The following MAP4K3 variants were observed in gnomAD, a reference collection of about 807,000 sequenced individuals.
MAP4K3 encodes mitogen-activated protein kinase kinase kinase kinase 3.
In MAP4K3, 94 loss-of-function variants were observed where a neutral mutation model predicts 143.5. The observed-to-expected ratio is 0.65, with a 90% CI of 0.55 to 0.78. The LOEUF is 0.78. Among genes scored for constraint, MAP4K3 ranks in the 30% least tolerant of loss-of-function variants. The pLI, the probability that MAP4K3 is intolerant of heterozygous loss-of-function variation, is 0.00. For synonymous variants in MAP4K3, 416 were observed against 347.2 expected, an observed-to-expected ratio of 1.20 and a Z score of -2.20; for missense variants, 1,077 against 1,068.1, an observed-to-expected ratio of 1.01 and a Z score of -0.12.
chr2:39,322,087 G>C (rs1193372556), intron 12 of MAP4K3, among the ~76,000 whole-genome samples: 1 of 152,000 alleles, frequency 6.6e-6, no homozygotes, highest in Non-Finnish European at 1.5e-5. Flanking sequence ...TCCACCTAAC[G>C]AGAAACACCC....
intron 5 of MAP4K3, 34 bp from the exon 6 acceptor site, chr2:39,337,001 T>C: frequency 8.8e-7 from 1 of 1,132,538 alleles, no homozygotes; most frequent in South Asian, 1.4e-5. Context: ...ATAAACAAGA[T>C]TTTATCAAAG....
Position 39,351,248 on chromosome 2 carries a change from T to C in MAP4K3, c.245+5001A>G, listed in dbSNP as rs17038959. 3.3e-4 allele frequency among the ~76,000 whole-genome samples: 50 copies of C among 152,334 alleles called. 1 individual carries two copies. In the East Asian group the frequency reaches 3.9e-3, roughly 12 times the overall value. Reference sequence around the variant, plus strand: ...TGTCTCCTGAATATGTCACAGTTTTTCATGCATGTGTTCCCTTTGCCAAAA... The same window carrying C: ...TGTCTCCTGAATATGTCACAGTTTTCCATGCATGTGTTCCCTTTGCCAAAA... On this transcript the variant is annotated intron_variant, in intron 3 of 33. Coordinates refer to ENST00000263881, the MANE Select transcript of MAP4K3 (RefSeq NM_003618.4).
intron 4 of MAP4K3, among the ~76,000 whole-genome samples, chr2:39,340,571 T>C (rs996233726): frequency 1.7e-4 from 26 of 152,200 alleles, no homozygotes; most frequent in African/African-American, 6.0e-4. Flanking sequence ...ACAACCTATT[T>C]CTGTAACGAA....
intron 12 of MAP4K3, among the ~76,000 whole-genome samples, chr2:39,317,096 GAA>G (rs1683135817): frequency 6.6e-6 from 1 of 152,034 alleles, no homozygotes; most frequent in African/African-American, 2.4e-5. Context: ...AGAGAGCCTA[GAA>G]ATAAAGCCAT....
intron 1 of MAP4K3, among the ~76,000 whole-genome samples, chr2:39,398,919 C>T (rs950333122): frequency 6.6e-6 from 1 of 151,198 alleles, no homozygotes; most frequent in African/African-American, 2.4e-5. Flanking sequence ...TGGTGCACAC[C>T]TATAGCTCCA....
At chr2:39,305,665 A>T (rs932439139) in intron 15 of MAP4K3, among the ~76,000 whole-genome samples, 21 of 152,234 alleles carry the variant, frequency 1.4e-4, no homozygotes, top group East Asian at 5.8e-4. Flanking sequence ...CTCCATTGTC[A>T]CAAGACCCCT....
chr2:39,326,356 T>G, intron 8 of MAP4K3, 79 bp from the exon 9 acceptor site: 1 of 1,484,242 alleles, frequency 6.7e-7, no homozygotes, highest in Non-Finnish European at 9.2e-7. Context: ...CACAAGGAAT[T>G]ATCACTATCT....
At chr2:39,266,548 C>T (rs1318375411) in intron 27 of MAP4K3, among the ~76,000 whole-genome samples, 1 of 150,602 alleles carries the variant, frequency 6.6e-6, no homozygotes, top group Admixed American at 6.6e-5. Context: ...AAATGACTCT[C>T]CATCTATTCA....
At position 39,436,873 on chromosome 2, in the gene MAP4K3, G is replaced by A; in HGVS notation, c.96+19C>T. On this transcript the variant is annotated intron_variant, in intron 1 of 33. Coordinates refer to ENST00000263881, the MANE Select transcript of MAP4K3 (RefSeq NM_003618.4). ...GTCGGGATCCCACGGCCTCGGCGGCGCGCGGCCCCTGCCTTTACCTTGTAG... is the reference window on the plus strand; with the variant it reads ...GTCGGGATCCCACGGCCTCGGCGGCACGCGGCCCCTGCCTTTACCTTGTAG... 1.3e-6 allele frequency: 2 copies of A among 1,581,088 alleles called. No homozygotes were observed. Among genetic ancestry groups the A allele is most frequent in the Non-Finnish European group, 1.7e-6 (2 of 1,164,226 alleles).
At chr2:39,349,331 T>G (rs1665383805) in intron 3 of MAP4K3, among the ~76,000 whole-genome samples, 1 of 152,214 alleles carries the variant, frequency 6.6e-6, no homozygotes, top group Admixed American at 6.5e-5. Context: ...ATAGGTAACC[T>G]ATACCATCTG....
chr2:39,375,001 C>G (rs1350875957), intron 2 of MAP4K3, among the ~76,000 whole-genome samples: 1 of 152,122 alleles, frequency 6.6e-6, no homozygotes, highest in East Asian at 1.9e-4. Context: ...GTGGCTCATG[C>G]TTGTAATCCT....
chr2:39,395,746 G>C (rs1270776684), intron 1 of MAP4K3, among the ~76,000 whole-genome samples: 1 of 152,124 alleles, frequency 6.6e-6, no homozygotes, highest in African/African-American at 2.4e-5. Context: ...CAAAGAATCA[G>C]ACACTCAAAT....
intron 1 of MAP4K3, among the ~76,000 whole-genome samples, chr2:39,383,442 A>G (rs1417746861): frequency 9.9e-5 from 15 of 152,050 alleles, no homozygotes; most frequent in Admixed American, 9.8e-4. Context: ...CCTCTACAAC[A>G]TGTGGGGATT....
chr2:39,290,342 CAG>C lies in MAP4K3; in HGVS notation c.1272-10_1272-9del, dbSNP rs1681989053. 2.5e-6 allele frequency: 4 copies of C among 1,596,648 alleles called. No homozygotes were observed. The highest frequency in any genetic ancestry group is 1.1e-5 in the South Asian group (1 of 88,042). The stretch of plus-strand genomic sequence containing the variant: ...TTTGCTTTCAGAGTTGAGCTAAAAA[CAG>C]AAAAGTTTAGAATCAGAACTATTCA... On this transcript the variant is annotated splice_polypyrimidine_tract_variant and intron_variant, in intron 18 of 33. Transcript: ENST00000263881.
rs771739657 is a variant in MAP4K3 at position 39,286,849 on chromosome 2, T to C, written c.1587+3A>G. Reference sequence around the variant, plus strand: ...AGTAGAACTTATGACTATCAATACCTACTGGTACATCTTTCTTTTCTTTTC... The same window carrying C: ...AGTAGAACTTATGACTATCAATACCCACTGGTACATCTTTCTTTTCTTTTC... On this transcript the variant is annotated splice_donor_region_variant and intron_variant, in intron 21 of 33. Coordinates refer to ENST00000263881, the MANE Select transcript of MAP4K3 (RefSeq NM_003618.4). 6.9e-6 allele frequency: 11 copies of C among 1,585,806 alleles called. No homozygotes were observed. Among genetic ancestry groups the C allele is most frequent in the Non-Finnish European group, 9.4e-6 (11 of 1,164,274 alleles).
chr2:39,292,937 A>G, intron 17 of MAP4K3, 111 bp from the exon 18 acceptor site: 2 of 895,468 alleles, frequency 2.2e-6, no homozygotes, highest in Non-Finnish European at 1.8e-6. Context: ...TTATTTCTGC[A>G]TCTTTATAGG....
intron 1 of MAP4K3, among the ~76,000 whole-genome samples, chr2:39,399,443 A>G (rs540774487): frequency 1.3e-5 from 2 of 152,344 alleles, no homozygotes; most frequent in African/African-American, 4.8e-5. Flanking sequence ...TTTCCAATAT[A>G]CATCACATCT....
chr2:39,435,169 A>G (rs1169124482), intron 1 of MAP4K3, among the ~76,000 whole-genome samples: 1 of 152,142 alleles, frequency 6.6e-6, no homozygotes. Flanking sequence ...AGTCATCACC[A>G]TATTCCTTAA....
intron 3 of MAP4K3, among the ~76,000 whole-genome samples, chr2:39,356,000 T>A (rs1014780931): frequency 6.6e-6 from 1 of 152,232 alleles, no homozygotes; most frequent in Admixed American, 6.5e-5. Context: ...ACTGGAAGAC[T>A]AACCGTAAGG....
Sources: gnomAD v4.1 joint callset for allele counts (sites outside exome capture counted in the v4.1 genomes callset) on GRCh38, gnomAD v4.1.1 for gene constraint, MANE v1.5 for transcripts, NCBI Gene and HGNC (gene_info 2026-07-23, HGNC 2026-07-21) for gene names.